GAMT: variants seen among roughly 807,000 people sequenced by gnomAD.
The protein encoded by GAMT is epididymis secretory protein Li 20.
A neutral mutation model predicts 26.9 loss-of-function variants in GAMT; 26 were observed. The observed-to-expected ratio is 0.97, with a 90% CI of 0.71 to 1.34. The LOEUF is 1.34. Ranked by LOEUF, GAMT falls within the 40% of genes most tolerant of loss-of-function variation. The pLI is 0.00. For synonymous variants in GAMT, 169 were observed against 149.6 expected (o/e 1.13, Z -0.95); for missense variants, 412 against 345.0 (o/e 1.19, Z -1.54).
chr19:1,397,705 G>A lies in GAMT; in HGVS notation c.571-206C>T, dbSNP rs59133683. ...CAGTGCGGGCAGCAGCTTCCCGGCT[G>A]TCCTGGAACCCCAGCCCCACACTCG... On this transcript the variant is annotated intron_variant, in intron 5 of 5. Coordinates refer to ENST00000252288, the MANE Select transcript of GAMT (RefSeq NM_000156.6). The A allele has an allele frequency of 2.3e-4, 325 of 1,404,604 alleles. No homozygotes were observed. In the East Asian group the frequency reaches 7.9e-3, roughly 34 times the overall value. The allele number at this position is 1,404,604 out of a possible 1,614,324, so 87.0% of individuals were successfully genotyped here. A position where few individuals can be genotyped will look rare whatever the true frequency, so the allele number is the denominator to read the frequency against.
rs1340590108 is a variant in GAMT, at chr19:1,399,894, A to G, written c.226T>C (p.Ser76Pro). ...EVGFGMAIAA[S>P]KVQEAPIDEH... ...TCAATGGGCGCCTCCTGCACCTTTG[A>G]CGCTGCGATGGCCATGCCAAAGCCC... Residue 76 changes from serine to proline, a missense_variant, in exon 2 of 6, where the codon TCA (serine) becomes CCA (proline). Transcript: ENST00000252288. This position sits in a 1 kb window ranked among gnomAD's most constrained non-coding sequence, Gnocchi z 6.2. The G allele has an allele frequency of 1.2e-5, 20 of 1,608,540 alleles. No homozygotes were observed. The highest frequency in any genetic ancestry group is 1.5e-5 in the Non-Finnish European group (18 of 1,178,400).
In GAMT at chr19:1,401,408, C is replaced by T; in HGVS notation, c.69G>A (p.Ala23=). Reference sequence around the variant, plus strand: ...TGTCCGCTGCGTCGTAGGCCGCGGGCGCCGCCCCCCACGCGGGGCTGCAGT... The same window carrying T: ...TGTCCGCTGCGTCGTAGGCCGCGGGTGCCGCCCCCCACGCGGGGCTGCAGT... ...GENCSPAWGA[A]PAAYDAADTH... The change falls in exon 1 of 6, where the codon GCG becomes GCA. Residue 23 remains alanine (A), a synonymous_variant. Transcript: ENST00000252288. 1 of 1,452,354 alleles carries T rather than the reference C, an allele frequency of 6.9e-7. No individual in the cohort carries two copies. Among genetic ancestry groups the T allele is most frequent in the Non-Finnish European group, 9.1e-7 (1 of 1,104,836 alleles). 90.0% of individuals were successfully genotyped at this position (1,452,354 alleles called of 1,614,324 possible).
Position 1,400,476 on chromosome 19 carries a change from G to A in GAMT, c.182-538C>T, listed in dbSNP as rs115206009. On this transcript the variant is annotated intron_variant, in intron 1 of 5. Transcript: ENST00000252288. Reference sequence around the variant, plus strand: ...GAGAGGATGACCAGCCAGGGAGGCCGAAGACGGCCGCTTTTGGGGCCAGGC... The same window carrying A: ...GAGAGGATGACCAGCCAGGGAGGCCAAAGACGGCCGCTTTTGGGGCCAGGC... Among the ~76,000 whole-genome samples the A allele has an allele frequency of 2.1e-3, 315 of 152,242 alleles. 1 individual carries two copies. Among genetic ancestry groups the A allele is most frequent in the African/African-American group, 6.7e-3 (279 of 41,542 alleles).
chr19:1,398,389 C>A (rs961309704), intron 5 of GAMT: 2 of 305,502 alleles, frequency 6.5e-6, no homozygotes, highest in Admixed American at 9.3e-5. Context: ...TGAGCCACCA[C>A]GCCCAGCCTG....
rs768799192 is a variant in GAMT, at chr19:1,399,063, T to TG, written c.460-38dup. Reference sequence around the variant, plus strand: ...GAGTGGCCAGTGGTCAGGACGGAGGTGGGGGTGTGGGCAGAGGGGCTTCCC... The same window carrying TG: ...GAGTGGCCAGTGGTCAGGACGGAGGTGGGGGGTGTGGGCAGAGGGGCTTCCC... On this transcript the variant is annotated intron_variant, in intron 4 of 5. Transcript: ENST00000252288. The surrounding 1 kb of genome is among the most constrained non-coding windows in gnomAD (Gnocchi z 6.2). The TG allele has an allele frequency of 1.5e-5, 24 of 1,612,470 alleles. No homozygotes were observed. The highest frequency in any genetic ancestry group is 2.7e-5 in the African/African-American group (2 of 74,636).
chr19:1,399,421 G>A lies in GAMT; in HGVS notation c.391+103C>T. The A allele has an allele frequency of 8.4e-7, 1 of 1,194,900 alleles. No individual in the cohort carries two copies. The highest frequency in any genetic ancestry group is 1.2e-6 in the Non-Finnish European group (1 of 830,650). 74.0% of individuals were successfully genotyped at this position (1,194,900 alleles called of 1,614,324 possible). ...CACAGCCAGGCCCACACCCACTTGG[G>A]CTCTGTCCCCCCAGTGCACATCAGA... On this transcript the variant is annotated intron_variant, in intron 3 of 5. Coordinates refer to ENST00000252288, the MANE Select transcript of GAMT (RefSeq NM_000156.6). This position sits in a 1 kb window ranked among gnomAD's most constrained non-coding sequence, Gnocchi z 6.2.
At chr19:1,400,825 C>A (rs951312276) in intron 1 of GAMT, among the ~76,000 whole-genome samples, 9 of 152,222 alleles carry the variant, frequency 5.9e-5, no homozygotes, top group African/African-American at 2.2e-4. Flanking sequence ...CCCTTAGCGT[C>A]TGACGCCAGG....
At chr19:1,400,984 G>A (rs534449120) in intron 1 of GAMT, among the ~76,000 whole-genome samples, 6 of 152,334 alleles carry the variant, frequency 3.9e-5, no homozygotes, top group African/African-American at 1.4e-4. Flanking sequence ...CTCAGACAGG[G>A]AGCTGGGGAC....
At position 1,399,821 on chromosome 19, in the gene GAMT, C is replaced by T. The variant is rs754770522; in HGVS notation, c.299G>A (p.Arg100Gln). Reference sequence around the variant, plus strand: ...GTGTGTCTGCCGTGGGGCCCAGTCCCGGAGCCGCTGGAAGACGCCGTCATT... The same window carrying T: ...GTGTGTCTGCCGTGGGGCCCAGTCCTGGAGCCGCTGGAAGACGCCGTCATT... ...ECNDGVFQRL[R>Q]DWAPRQTHKV... Residue 100 changes from arginine (R) to glutamine (Q), a missense_variant, in exon 2 of 6, where the codon CGG becomes CAG. By Grantham distance (43) the Arg-to-Gln change is conservative (BLOSUM62 1). Transcript: ENST00000252288. The surrounding 1 kb of genome is among the most constrained non-coding windows in gnomAD (Gnocchi z 6.2). The T allele has an allele frequency of 1.1e-5, 18 of 1,578,998 alleles. No individual in the cohort carries two copies. The highest frequency in any genetic ancestry group is 3.6e-5 in the Admixed American group (2 of 55,112).
In GAMT at chr19:1,399,314, G is replaced by T; in HGVS notation, c.392-119C>A. 8.2e-7 allele frequency: 1 copy of T among 1,219,620 alleles called. No homozygotes were observed. Among genetic ancestry groups the T allele is most frequent in the Non-Finnish European group, 1.2e-6 (1 of 831,682 alleles). The allele number at this position is 1,219,620 out of a possible 1,614,324, so 75.5% of individuals were successfully genotyped here. ...GAGACGGGGCCGTGGGTAGAGGTGG[G>T]GCTCCCACACAGGCTTGAGAACCCC... is the stretch of plus-strand genomic sequence containing the variant. On this transcript the variant is annotated intron_variant, in intron 3 of 5. Transcript: ENST00000252288. The surrounding 1 kb of genome is among the most constrained non-coding windows in gnomAD (Gnocchi z 6.2).
Position 1,398,988 on chromosome 19 carries a change from G to T in GAMT, c.498C>A (p.Leu166=). The stretch of plus-strand genomic sequence containing the variant: ...CCCAGGAGGTGAGGTTGCAGTAGGT[G>T]AGGACGCCCCCCGGCTTCAGCAGGC... ...AFRLLKPGGV[L]TYCNLTSWGE... Residue 166 remains leucine, a synonymous_variant, in exon 5 of 6, where the codon CTC becomes CTA. Transcript: ENST00000252288. The T allele has an allele frequency of 6.2e-7, 1 of 1,613,508 alleles. No homozygotes were observed. The highest frequency in any genetic ancestry group is 8.5e-7 in the Non-Finnish European group (1 of 1,180,024).
chr19:1,401,381 C>A lies in GAMT; in HGVS notation c.96G>T (p.Thr32=). ...CCGGCTTGCCCAGGATGCGCAGGTGCGTGTCCGCTGCGTCGTAGGCCGCGG... is the reference window on the plus strand; with the variant it reads ...CCGGCTTGCCCAGGATGCGCAGGTGAGTGTCCGCTGCGTCGTAGGCCGCGG... ...AAPAAYDAAD[T]HLRILGKPVM... The change falls in exon 1 of 6, where the codon ACG becomes ACT. Residue 32 remains threonine (T), a synonymous_variant. Coordinates refer to ENST00000252288, the MANE Select transcript of GAMT (RefSeq NM_000156.6). 6.6e-7 allele frequency: 1 copy of A among 1,507,004 alleles called. No homozygotes were observed. Among genetic ancestry groups the A allele is most frequent in the Non-Finnish European group, 8.8e-7 (1 of 1,135,908 alleles). 93.4% of individuals were successfully genotyped at this position (1,507,004 alleles called of 1,614,324 possible).
intron 5 of GAMT, 133 bp from the exon 6 acceptor site, chr19:1,397,632 G>T: frequency 6.9e-7 from 1 of 1,447,408 alleles, no homozygotes; most frequent in Non-Finnish European, 9.4e-7. Flanking sequence ...TGGGCACGTG[G>T]CAGGGCAGCC....
rs953990808 is a variant in GAMT at position 1,401,309 on chromosome 19, G to A, written c.168C>T (p.Ala56=). 3 of 1,513,072 alleles carry A rather than the reference G, an allele frequency of 2.0e-6. No homozygotes were observed. The highest frequency in any genetic ancestry group is 2.5e-5 in the South Asian group (2 of 81,172). The allele number at this position is 1,513,072 out of a possible 1,614,324, so 93.7% of individuals were successfully genotyped here. A position where few individuals can be genotyped will look rare whatever the true frequency, so the allele number is the denominator to read the frequency against. ...GGCGGGGGCTACCTTTGGAGGAGGCGGCGGCGGCCAGCGCGTGCATATAGG... is the reference window on the plus strand; with the variant it reads ...GGCGGGGGCTACCTTTGGAGGAGGCAGCGGCGGCCAGCGCGTGCATATAGG... ...ETPYMHALAA[A]ASSKGGRVLE... Residue 56 remains alanine, a synonymous_variant, in exon 1 of 6, where the codon GCC becomes GCT. Coordinates refer to ENST00000252288, the MANE Select transcript of GAMT (RefSeq NM_000156.6).
Position 1,401,262 on chromosome 19 carries a change from C to T in GAMT, c.181+34G>A, listed in dbSNP as rs745869864. On this transcript the variant is annotated intron_variant, in intron 1 of 5. Transcript: ENST00000252288. ...AGCCCCGGCCTCAGTTTCCCCTGCG[C>T]CCCCGGGGGCGGTGCAGGCCGGGCG... The T allele has an allele frequency of 7.1e-6, 10 of 1,401,980 alleles. No homozygotes were observed. In the Admixed American group the frequency reaches 1.1e-4, roughly 16 times the overall value. The allele number at this position is 1,401,980 out of a possible 1,614,324, so 86.8% of individuals were successfully genotyped here.
intron 5 of GAMT, chr19:1,398,713 G>A: frequency 2.6e-6 from 4 of 1,537,196 alleles, no homozygotes; most frequent in Non-Finnish European, 3.5e-6. Context: ...CACAGTGCTG[G>A]GATTATAGAC....
Position 1,401,509 on chromosome 19 carries a change from G to C in GAMT, c.-33C>G. On this transcript the variant is annotated 5_prime_UTR_variant, in exon 1 of 6. Transcript: ENST00000252288. ...GCTGGACGGCGACCCGACCTCGATC[G>C]CGCGCCGCCCGGGCCCGCTCCCTGC... The C allele has an allele frequency of 7.8e-7, 1 of 1,287,236 alleles. No individual in the cohort carries two copies. Among genetic ancestry groups the C allele is most frequent in the Non-Finnish European group, 9.8e-7 (1 of 1,016,346 alleles). The allele number at this position is 1,287,236 out of a possible 1,614,324, so 79.7% of individuals were successfully genotyped here. A position where few individuals can be genotyped will look rare whatever the true frequency, so the allele number is the denominator to read the frequency against.
rs529219325 is a variant in GAMT at position 1,399,451 on chromosome 19, C to A, written c.391+73G>T. 1,045 of 1,384,620 alleles carry A rather than the reference C, an allele frequency of 7.5e-4. No individual in the cohort carries two copies. Among genetic ancestry groups the A allele is most frequent in the Non-Finnish European group, 9.9e-4 (989 of 994,468 alleles). The allele number at this position is 1,384,620 out of a possible 1,614,324, so 85.8% of individuals were successfully genotyped here. A position where few individuals can be genotyped will look rare whatever the true frequency, so the allele number is the denominator to read the frequency against. ...GTCCCCCCAGTGCACATCAGAGGGA[C>A]CCCCACAAGCAAAGGAGGGGCTGCA... On this transcript the variant is annotated intron_variant, in intron 3 of 5. Transcript: ENST00000252288. The surrounding 1 kb of genome is among the most constrained non-coding windows in gnomAD (Gnocchi z 6.2).
At position 1,399,543 on chromosome 19, in the gene GAMT, C is replaced by T. The variant is rs748762855; in HGVS notation, c.372G>A (p.Leu124=). ...CCTCACCATCAAAGTGACCGTCAGG[C>T]AGGGTGGGTGCCACATCCTCCCACA... ...KGLWEDVAPT[L]PDGHFDGILY... is the part of the protein sequence containing the mutation. Residue 124 remains leucine (L), a synonymous_variant, in exon 3 of 6, where the codon CTG becomes CTA. Coordinates refer to ENST00000252288, the MANE Select transcript of GAMT (RefSeq NM_000156.6). This position sits in a 1 kb window ranked among gnomAD's most constrained non-coding sequence, Gnocchi z 6.2. The T allele has an allele frequency of 5.6e-6, 9 of 1,613,050 alleles. No homozygotes were observed. Among genetic ancestry groups the T allele is most frequent in the Non-Finnish European group, 5.9e-6 (7 of 1,179,802 alleles).
Sources: gnomAD v4.1 joint callset for allele counts (sites outside exome capture counted in the v4.1 genomes callset) on GRCh38, gnomAD v4.1.1 for gene constraint, Gnocchi (gnomAD v3.1) non-coding constraint, MANE v1.5 for transcripts, NCBI Gene and HGNC (gene_info 2026-07-23, HGNC 2026-07-21) for gene names.